Variants in NRXN3 observed in about 807,000 individuals in gnomAD.
NRXN3 encodes the protein neurexin 3.
Under a neutral mutation model 137.6 loss-of-function variants are expected in NRXN3, and 32 were observed. The observed-to-expected ratio is 0.23, with a 90% CI of 0.18 to 0.31. NRXN3 has a LOEUF of 0.31. Among genes scored for constraint, NRXN3 ranks in the 10% least tolerant of loss-of-function variants. The probability of loss-of-function intolerance (pLI) is 1.00; values close to 1 mark genes in which losing one functional copy is unlikely to be tolerated. For missense variants in NRXN3, 1,574 were observed against 2,062.5 expected (o/e 0.76, Z 4.59); for synonymous variants, 798 against 784.5 (o/e 1.02, Z -0.29).
At chr14:79,043,309 C>T (rs540068847) in intron 15 of NRXN3, among the ~76,000 whole-genome samples, 135 of 152,276 alleles carry the variant, frequency 8.9e-4, no homozygotes, top group African/African-American at 3.1e-3. Flanking sequence ...GTTTTAGATA[C>T]TGAAAGTATC....
At chr14:79,790,309 C>CAGG (rs907996619) in intron 19 of NRXN3, among the ~76,000 whole-genome samples, 2 of 146,472 alleles carry the variant, frequency 1.4e-5, no homozygotes, top group Non-Finnish European at 3.0e-5. Flanking sequence ...GCAAGGGAGA[C>CAGG]AGGAGGAGGA....
At chr14:78,464,009 T>C (rs2095016547) in intron 4 of NRXN3, among the ~76,000 whole-genome samples, 1 of 151,674 alleles carries the variant, frequency 6.6e-6, no homozygotes, top group Non-Finnish European at 1.5e-5. Flanking sequence ...TTATATATTT[T>C]TTAAACTTGA....
chr14:79,779,675 C>G lies in NRXN3; in HGVS notation c.4015-25437C>G, dbSNP rs540557326. Among the ~76,000 whole-genome samples the G allele has an allele frequency of 9.0e-4, 137 of 152,236 alleles. 1 individual carries two copies. The highest frequency in any genetic ancestry group is 3.4e-3 in the Middle Eastern group (1 of 294). ...CCTGGGAACTCTCTCTACCCCCATC[C>G]CATCAACTCTCTGACCACAAGTTTT... On this transcript the variant is annotated intron_variant, in intron 19 of 20. Transcript: ENST00000335750.
chr14:79,461,012 C>T (rs2096330688), intron 15 of NRXN3, among the ~76,000 whole-genome samples: 1 of 152,154 alleles, frequency 6.6e-6, no homozygotes, highest in African/African-American at 2.4e-5. Flanking sequence ...TCCATCTATT[C>T]AATAAATAAT....
rs190484409 is a variant in NRXN3 at position 78,524,798 on chromosome 14, C to G, written c.758-120322C>G. Among the ~76,000 whole-genome samples, 265 of 152,158 alleles carry G rather than the reference C, an allele frequency of 1.7e-3. 1 individual carries two copies. The highest frequency in any genetic ancestry group is 6.1e-3 in the African/African-American group (254 of 41,510). On this transcript the variant is annotated intron_variant, in intron 4 of 20. Coordinates refer to ENST00000335750, the MANE Select transcript of NRXN3 (RefSeq NM_001330195.2). Reference sequence around the variant, plus strand: ...CAAAATACTTGAACTCCACCTGGACCTAGGCAAAATGTTTTAAAATGGCAT... The same window carrying G: ...CAAAATACTTGAACTCCACCTGGACGTAGGCAAAATGTTTTAAAATGGCAT...
At chr14:79,123,775 G>T (rs1477245412) in intron 15 of NRXN3, among the ~76,000 whole-genome samples, 1 of 152,224 alleles carries the variant, frequency 6.6e-6, no homozygotes, top group Non-Finnish European at 1.5e-5. Flanking sequence ...TACGCTTAAA[G>T]TGGGAGTACT....
Position 78,820,118 on chromosome 14 carries a change from A to G in NRXN3, c.2275+9774A>G, listed in dbSNP as rs140828226. Among the ~76,000 whole-genome samples the G allele has an allele frequency of 4.8e-4, 73 of 152,146 alleles. 1 individual carries two copies. Among genetic ancestry groups the G allele is most frequent in the Middle Eastern group, 3.4e-3 (1 of 294 alleles). On this transcript the variant is annotated intron_variant, in intron 10 of 20. Coordinates refer to ENST00000335750, the MANE Select transcript of NRXN3 (RefSeq NM_001330195.2). ...GTAGGATGTACAGTGACCATTTGGT[A>G]AGCTAATATTATTAACCTAAATTCT...
intron 19 of NRXN3, among the ~76,000 whole-genome samples, chr14:79,774,836 G>A (rs2139921889): frequency 6.6e-6 from 1 of 152,210 alleles, no homozygotes; most frequent in East Asian, 1.9e-4. Context: ...TATGACACAT[G>A]GGGCAAATAC....
chr14:78,389,438 G>A (rs1466278460), intron 4 of NRXN3, among the ~76,000 whole-genome samples: 1 of 152,176 alleles, frequency 6.6e-6, no homozygotes, highest in African/African-American at 2.4e-5. Flanking sequence ...GAGCGTGAAA[G>A]CCAATGCCTG....
chr14:79,301,696 T>C (rs1203496993), intron 15 of NRXN3, among the ~76,000 whole-genome samples: 1 of 151,860 alleles, frequency 6.6e-6, no homozygotes, highest in African/African-American at 2.4e-5. Flanking sequence ...AATATGAGAT[T>C]AATATCCAAG....
At chr14:78,266,673 C>T (rs1384815914) in intron 2 of NRXN3, among the ~76,000 whole-genome samples, 1 of 152,174 alleles carries the variant, frequency 6.6e-6, no homozygotes, top group African/African-American at 2.4e-5. Context: ...CCTCTGCAGA[C>T]TCCTGTTGAG....
chr14:78,457,862 C>A (rs998254765), intron 4 of NRXN3, among the ~76,000 whole-genome samples: 2 of 152,134 alleles, frequency 1.3e-5, no homozygotes, highest in Non-Finnish European at 2.9e-5. Flanking sequence ...TCAAGGTGAT[C>A]TCTTGCATTA....
intron 4 of NRXN3, among the ~76,000 whole-genome samples, chr14:78,439,825 G>A (rs976878103): frequency 2.3e-4 from 35 of 152,266 alleles, no homozygotes; most frequent in African/African-American, 8.2e-4. Context: ...CCCAGGAAGC[G>A]AACACCCACA....
At chr14:79,374,187 T>A in intron 15 of NRXN3, among the ~76,000 whole-genome samples, 1 of 152,148 alleles carries the variant, frequency 6.6e-6, no homozygotes, top group Admixed American at 6.5e-5. Context: ...ACTCAAAACA[T>A]TTTATAAAAA....
intron 8 of NRXN3, among the ~76,000 whole-genome samples, chr14:78,748,019 C>A (rs549167181): frequency 5.1e-4 from 78 of 152,290 alleles, no homozygotes; most frequent in Non-Finnish European, 9.4e-4. Context: ...CTTAGGTCAG[C>A]AATCCTTTTG....
chr14:78,763,467 T>C (rs970801322), intron 8 of NRXN3, among the ~76,000 whole-genome samples: 1 of 151,482 alleles, frequency 6.6e-6, no homozygotes, highest in African/African-American at 2.4e-5. Context: ...ATAAAAATAC[T>C]ATATATAATT....
At chr14:78,475,964 A>G (rs1214861677) in intron 4 of NRXN3, among the ~76,000 whole-genome samples, 2 of 152,260 alleles carry the variant, frequency 1.3e-5, no homozygotes, top group African/African-American at 4.8e-5. Context: ...ATAATGGATA[A>G]GCAAATACTT....
At chr14:79,594,336 A>T (rs1187977182) in intron 16 of NRXN3, among the ~76,000 whole-genome samples, 3 of 152,184 alleles carry the variant, frequency 2.0e-5, no homozygotes, top group African/African-American at 7.2e-5. Context: ...CTGCTCTGAT[A>T]AAAAATATCC....
intron 16 of NRXN3, among the ~76,000 whole-genome samples, chr14:79,589,428 T>A (rs1380823310): frequency 1.3e-5 from 2 of 150,648 alleles, no homozygotes; most frequent in Non-Finnish European, 3.0e-5. Flanking sequence ...GTTATTTTTA[T>A]CCAAGGCTTA....
Sources: gnomAD v4.1 joint callset for allele counts (sites outside exome capture counted in the v4.1 genomes callset) on GRCh38, gnomAD v4.1.1 for gene constraint, MANE v1.5 for transcripts, NCBI Gene and HGNC (gene_info 2026-07-23, HGNC 2026-07-21) for gene names.